ZCCHC17: variants seen among roughly 807,000 people sequenced by gnomAD.
ZCCHC17 encodes zinc finger CCHC-type containing 17.
A neutral mutation model predicts 30.6 loss-of-function variants in ZCCHC17; 18 were observed. The observed-to-expected ratio is 0.59, with a 90% CI of 0.41 to 0.87. The LOEUF is 0.87. Among genes scored for constraint, ZCCHC17 ranks in the 40% least tolerant of loss-of-function variants. The pLI is 0.00. For missense variants in ZCCHC17, 263 were observed against 284.2 expected, an observed-to-expected ratio of 0.93 and a Z score of 0.54; for synonymous variants, 88 against 92.4, an observed-to-expected ratio of 0.95 and a Z score of 0.27.
At position 31,364,050 on chromosome 1, in the gene ZCCHC17, CATAGAG is replaced by C. The variant is rs1640035636; in HGVS notation, c.588_593del (p.Asp197_Arg198del). The stretch of plus-strand genomic sequence containing the variant: ...TTTTCAGGAGAAGAAGAAAAAGAAA[CATAGAG>C]ATAGGAAGTCATCTGACTCTGACAG... On this transcript the variant is annotated inframe_deletion, in exon 8 of 8. Transcript: ENST00000344147. 1 of 1,611,458 alleles carries C rather than the reference CATAGAG, an allele frequency of 6.2e-7. No individual in the cohort carries two copies. The highest frequency in any genetic ancestry group is 1.1e-5 in the South Asian group (1 of 90,884).
At chr1:31,363,863 A>G (rs955870548) in intron 7 of ZCCHC17, among the ~76,000 whole-genome samples, 169 bp from the exon 8 acceptor site, 17 of 152,090 alleles carry the variant, frequency 1.1e-4, no homozygotes, top group African/African-American at 3.9e-4. Context: ...AGATCTTGCT[A>G]TGTTAGCCAG....
At chr1:31,346,542 C>T (rs1298408590) in intron 5 of ZCCHC17, 98 bp from the exon 6 acceptor site, 6 of 1,399,542 alleles carry the variant, frequency 4.3e-6, no homozygotes, top group Admixed American at 2.5e-5. Context: ...TCTCCCCTTT[C>T]CCTGCCAAAA....
chr1:31,346,703 T>C lies in ZCCHC17; in HGVS notation c.381T>C (p.Ala127=). The C allele has an allele frequency of 6.2e-7, 1 of 1,614,156 alleles. No homozygotes were observed. Among genetic ancestry groups the C allele is most frequent in the South Asian group, 1.1e-5 (1 of 91,074 alleles). ...DYTGQKITLE[A]VLNTTCKKCG... is the part of the protein sequence containing the mutation. ...CTGGGCAGAAGATCACCCTTGAGGC[T>C]GTCTTGAACACTACCTGCAAGAAGT... The change falls in exon 6 of 8, where the codon GCT becomes GCC. Residue 127 remains alanine, a synonymous_variant. Transcript: ENST00000344147.
At chr1:31,345,563 A>ATATTATATATATATAT (rs1639230781) in intron 5 of ZCCHC17, among the ~76,000 whole-genome samples, 2 of 344 alleles carry the variant, frequency 5.8e-3, no homozygotes, top group South Asian at 0.1. Context: ...TATATATATA[A>ATATTATATATATATAT]TATAATATAT....
chr1:31,322,922 A>G (rs534816063), intron 3 of ZCCHC17, among the ~76,000 whole-genome samples: 16 of 151,972 alleles, frequency 1.1e-4, no homozygotes, highest in East Asian at 5.8e-4. Context: ...GGGTTTCACT[A>G]TGTTGGCTAG....
intron 3 of ZCCHC17, among the ~76,000 whole-genome samples, chr1:31,329,390 A>G (rs528359808): frequency 8.1e-4 from 124 of 152,290 alleles, no homozygotes; most frequent in African/African-American, 2.8e-3. Context: ...ATCCAGCACT[A>G]AACTATGAAA....
chr1:31,353,801 A>G (rs1276630688), intron 7 of ZCCHC17, among the ~76,000 whole-genome samples: 2 of 152,172 alleles, frequency 1.3e-5, no homozygotes, highest in Non-Finnish European at 2.9e-5. Flanking sequence ...CAAATAAGTG[A>G]GGATTTATTC....
At chr1:31,340,026 G>A (rs1180311279) in intron 5 of ZCCHC17, among the ~76,000 whole-genome samples, 3 of 124,466 alleles carry the variant, frequency 2.4e-5, no homozygotes, top group East Asian at 2.5e-4. Flanking sequence ...CCATAATCAC[G>A]GCTTACTGCA....
chr1:31,312,297 A>G (rs1004685430), intron 2 of ZCCHC17, among the ~76,000 whole-genome samples: 5 of 152,154 alleles, frequency 3.3e-5, no homozygotes, highest in African/African-American at 1.2e-4. Context: ...TTTAATGTCT[A>G]TCTTCCTCAC....
intron 3 of ZCCHC17, among the ~76,000 whole-genome samples, chr1:31,334,471 G>A (rs1272492209): frequency 6.6e-6 from 1 of 151,692 alleles, no homozygotes; most frequent in Admixed American, 6.6e-5. Flanking sequence ...TAGACAGGAT[G>A]ACTGATTTTT....
intron 1 of ZCCHC17, among the ~76,000 whole-genome samples, chr1:31,305,359 A>C (rs1182576433): frequency 1.3e-5 from 2 of 150,922 alleles, no homozygotes; most frequent in African/African-American, 2.4e-5. Context: ...GGCTCAGTGC[A>C]CTCTCCATCT....
chr1:31,311,935 C>T (rs1646614569), intron 2 of ZCCHC17, among the ~76,000 whole-genome samples: 2 of 152,172 alleles, frequency 1.3e-5, no homozygotes, highest in Admixed American at 1.3e-4. Flanking sequence ...GAAGAGGCTA[C>T]AGAGAGCTGC....
chr1:31,323,715 T>A (rs1044137462), intron 3 of ZCCHC17, among the ~76,000 whole-genome samples: 5 of 152,148 alleles, frequency 3.3e-5, no homozygotes, highest in Non-Finnish European at 7.4e-5. Context: ...CAAATATTTT[T>A]AAAAAATGAT....
At chr1:31,324,388 A>G (rs945750614) in intron 3 of ZCCHC17, among the ~76,000 whole-genome samples, 1 of 152,164 alleles carries the variant, frequency 6.6e-6, no homozygotes, top group African/African-American at 2.4e-5. Flanking sequence ...TGCATGTTCT[A>G]TGGAGCTGGC....
chr1:31,331,945 T>G (rs546243414), intron 3 of ZCCHC17, among the ~76,000 whole-genome samples: 2 of 152,220 alleles, frequency 1.3e-5, no homozygotes, highest in Admixed American at 1.3e-4. Context: ...GATAGTACAC[T>G]AAACCTTCAT....
chr1:31,320,587 G>A (rs1646838326), intron 3 of ZCCHC17, among the ~76,000 whole-genome samples: 1 of 152,126 alleles, frequency 6.6e-6, no homozygotes, highest in Non-Finnish European at 1.5e-5. Flanking sequence ...AGTCTTTTGT[G>A]ACTGACTTCT....
At chr1:31,333,795 C>T (rs2148447763) in intron 3 of ZCCHC17, among the ~76,000 whole-genome samples, 1 of 152,238 alleles carries the variant, frequency 6.6e-6, no homozygotes, top group East Asian at 1.9e-4. Flanking sequence ...GCCATTATTT[C>T]TATGTGGTAC....
intron 2 of ZCCHC17, among the ~76,000 whole-genome samples, chr1:31,318,400 G>A (rs1262088704): frequency 6.6e-6 from 1 of 152,112 alleles, no homozygotes; most frequent in African/African-American, 2.4e-5. Context: ...AGGGTTCTGG[G>A]CCTTTCATCA....
intron 1 of ZCCHC17, among the ~76,000 whole-genome samples, chr1:31,302,678 G>T (rs933970844): frequency 1.3e-5 from 2 of 152,104 alleles, no homozygotes; most frequent in Non-Finnish European, 2.9e-5. Flanking sequence ...GTTCTGAATT[G>T]CTGGGGAGTC....
Sources: gnomAD v4.1 joint callset for allele counts (sites outside exome capture counted in the v4.1 genomes callset) on GRCh38, gnomAD v4.1.1 for gene constraint, MANE v1.5 for transcripts, NCBI Gene and HGNC (gene_info 2026-07-23, HGNC 2026-07-21) for gene names.